Variants in HYAL4 observed in about 807,000 individuals in gnomAD.
HYAL4 encodes hyaluronidase 4.
In HYAL4, 37 loss-of-function variants were observed where a neutral mutation model predicts 35.2. That is an observed-to-expected ratio of 1.05 (90% CI 0.81 to 1.38). The LOEUF (loss-of-function observed/expected upper bound fraction) is 1.38. HYAL4 is among the 40% of genes most tolerant of loss of function. The pLI is 0.00. For synonymous variants in HYAL4, 198 were observed against 203.2 expected, an observed-to-expected ratio of 0.97 and a Z score of 0.22; for missense variants, 572 against 572.4, an observed-to-expected ratio of 1.00 and a Z score of 0.01.
At chr7:123,772,864 A>C in the HYAL4 span, among the ~76,000 whole-genome samples, 4 of 152,348 alleles carry the variant, frequency 2.6e-5, no homozygotes, top group South Asian at 8.3e-4. Context: ...CCATCCACCA[A>C]GTGAGGGACA....
At chr7:123,862,149 T>C in intron 2 of HYAL4, among the ~76,000 whole-genome samples, 1 of 152,196 alleles carries the variant, frequency 6.6e-6, no homozygotes, top group Non-Finnish European at 1.5e-5. Context: ...ATTGAGCACA[T>C]AGCTTTGAAC....
At chr7:123,860,817 C>T (rs1459571394) in intron 2 of HYAL4, among the ~76,000 whole-genome samples, 1 of 152,130 alleles carries the variant, frequency 6.6e-6, no homozygotes, top group Non-Finnish European at 1.5e-5. Context: ...TAGGAATGTA[C>T]TCTTTCTTCA....
chr7:123,827,290 C>G (rs891260542), upstream of HYAL4, among the ~76,000 whole-genome samples: 5 of 152,078 alleles, frequency 3.3e-5, no homozygotes, highest in African/African-American at 1.2e-4. Context: ...ATGTGATGTT[C>G]TGGAAGCTAA....
intron 2 of HYAL4, among the ~76,000 whole-genome samples, chr7:123,859,373 T>C (rs1052685654): frequency 6.6e-6 from 1 of 152,208 alleles, no homozygotes; most frequent in African/African-American, 2.4e-5. Context: ...GCATTACATT[T>C]TGTGGAGAAT....
chr7:123,831,276 T>C (rs1373641715), intron 1 of HYAL4, among the ~76,000 whole-genome samples: 3 of 152,282 alleles, frequency 2.0e-5, no homozygotes, highest in Admixed American at 2.0e-4. Context: ...TGCCATGCTG[T>C]GATGCAGCAT....
the HYAL4 span, among the ~76,000 whole-genome samples, chr7:123,778,064 C>T: frequency 6.6e-6 from 1 of 152,124 alleles, no homozygotes; most frequent in Admixed American, 6.5e-5. Context: ...AAGAACAGCA[C>T]AAGACAACTC....
intron 2 of HYAL4, among the ~76,000 whole-genome samples, chr7:123,863,884 A>C (rs77022269): frequency 0.012 from 1,782 of 152,144 alleles, 32 homozygotes; most frequent in African/African-American, 0.04. Flanking sequence ...GGAAGGAGTG[A>C]GAAGGGAGAT....
rs117100830 is a variant in HYAL4, at chr7:123,873,912, A to T, written c.955-849A>T. Among the ~76,000 whole-genome samples, 143 of 152,332 alleles carry T rather than the reference A, an allele frequency of 9.4e-4. 2 individuals are homozygous for T. The East Asian group carries it at 0.025, about 27-fold the overall frequency. On this transcript the variant is annotated intron_variant, in intron 3 of 4. Transcript: ENST00000223026. ...TCAGGTACTTAGAAATTAAACACAC[A>T]TAATTTCAGGGACAAATATAAAAGC...
chr7:123,771,187 T>C, the HYAL4 span, among the ~76,000 whole-genome samples: 1 of 152,206 alleles, frequency 6.6e-6, no homozygotes, highest in African/African-American at 2.4e-5. Flanking sequence ...TCATGGATAG[T>C]TGAGCTTCAA....
the HYAL4 span, among the ~76,000 whole-genome samples, chr7:123,790,294 T>A: frequency 6.6e-6 from 1 of 152,208 alleles, no homozygotes; most frequent in South Asian, 2.1e-4. Flanking sequence ...TCATTAAAAA[T>A]CCTGTGAGAA....
the HYAL4 span, among the ~76,000 whole-genome samples, chr7:123,803,583 C>T: frequency 4.6e-5 from 7 of 152,128 alleles, no homozygotes; most frequent in African/African-American, 1.4e-4. Context: ...TTTTCCTTTT[C>T]GATATAAATG....
At chr7:123,857,181 A>AG (rs1408469412) in intron 2 of HYAL4, among the ~76,000 whole-genome samples, 1 of 151,952 alleles carries the variant, frequency 6.6e-6, no homozygotes, top group Non-Finnish European at 1.5e-5. Context: ...CCCCCTTTCC[A>AG]GGGGAGTGAA....
At chr7:123,807,441 T>G in the HYAL4 span, among the ~76,000 whole-genome samples, 2 of 145,384 alleles carry the variant, frequency 1.4e-5, 1 homozygote, top group Admixed American at 1.4e-4. Context: ...GGTTTTTTTT[T>G]TTTTTTTTTT....
intron 3 of HYAL4, among the ~76,000 whole-genome samples, chr7:123,873,137 A>T (rs960550147): frequency 6.6e-6 from 1 of 151,916 alleles, no homozygotes; most frequent in Non-Finnish European, 1.5e-5. Flanking sequence ...GTGGACGCAG[A>T]CTCAGCAGAG....
intron 4 of HYAL4, chr7:123,875,887 C>T: frequency 2.7e-6 from 1 of 368,588 alleles, no homozygotes; most frequent in South Asian, 2.1e-5. Context: ...TTTGCAAGTC[C>T]ATGATGATCT....
In HYAL4 at chr7:123,875,333, C is replaced by T. The variant is rs543791246; in HGVS notation, c.1044+483C>T. 9.1e-4 allele frequency among the ~76,000 whole-genome samples: 138 copies of T among 152,174 alleles called. 1 individual carries two copies. The highest frequency in any genetic ancestry group is 1.3e-3 in the Non-Finnish European group (91 of 68,002). On this transcript the variant is annotated intron_variant, in intron 4 of 4. Coordinates refer to ENST00000223026, the MANE Select transcript of HYAL4 (RefSeq NM_012269.3). ...ATTCTCCACAATGAAGTTACTTTTT[C>T]CTCTACAGAGAAATCAGCTGAAAAT...
the HYAL4 span, among the ~76,000 whole-genome samples, chr7:123,807,300 T>C: frequency 1.3e-5 from 2 of 152,052 alleles, no homozygotes; most frequent in Non-Finnish European, 2.9e-5. Context: ...ACTACTATTA[T>C]CTCTTTGAGA....
chr7:123,786,520 T>A, the HYAL4 span, among the ~76,000 whole-genome samples: 11 of 152,318 alleles, frequency 7.2e-5, no homozygotes, highest in East Asian at 1.9e-4. Context: ...CTTTATTTTT[T>A]TTTTTTGAAA....
the HYAL4 span, among the ~76,000 whole-genome samples, chr7:123,769,947 G>T: frequency 1.3e-5 from 2 of 151,346 alleles, no homozygotes; most frequent in Admixed American, 1.3e-4. Flanking sequence ...AATAACAAAC[G>T]TGTGGTTATC....
Sources: gnomAD v4.1 joint callset for allele counts (sites outside exome capture counted in the v4.1 genomes callset) on GRCh38, gnomAD v4.1.1 for gene constraint, MANE v1.5 for transcripts, NCBI Gene and HGNC (gene_info 2026-07-23, HGNC 2026-07-21) for gene names.